PGAM5: variants seen among roughly 807,000 people sequenced by gnomAD.
The protein encoded by PGAM5 is PGAM family member 5, mitochondrial serine/threonine protein phosphatase, also known as serine/threonine-protein phosphatase PGAM5, mitochondrial.
A neutral mutation model predicts 30.6 loss-of-function variants in PGAM5; 25 were observed. That is an observed-to-expected ratio of 0.82 (90% CI 0.60 to 1.14). PGAM5 has a LOEUF of 1.14. Among genes scored for constraint, PGAM5 ranks in the 50% most tolerant of loss-of-function variants. PGAM5 has a pLI of 0.00. For missense variants in PGAM5, 384 were observed against 408.5 expected, an observed-to-expected ratio of 0.94 and a Z score of 0.52; for synonymous variants, 201 against 179.1, an observed-to-expected ratio of 1.12 and a Z score of -0.98.
chr12:132,722,493 C>T lies in PGAM5; in HGVS notation c.*1665C>T, dbSNP rs2043656519. The T allele has an allele frequency of 6.6e-6, 1 of 151,864 alleles. No homozygotes were observed. The highest frequency in any genetic ancestry group is 1.5e-5 in the Non-Finnish European group (1 of 67,988). 9.4% of individuals were successfully genotyped at this position (151,864 alleles called of 1,614,324 possible). On this transcript the variant is annotated 3_prime_UTR_variant, in exon 6 of 6. Coordinates refer to ENST00000498926, the MANE Select transcript of PGAM5 (RefSeq NM_001170543.2). ...TCGAACTCCTGACCTCGTGATCTAC[C>T]CACCTCGGCCTCCCCAAGTGCTGGG...
intron 5 of PGAM5, among the ~76,000 whole-genome samples, chr12:132,720,098 T>TCGATCCCAGTCATCGATTCAC (rs2043627589): frequency 6.7e-6 from 1 of 148,804 alleles, no homozygotes; most frequent in African/African-American, 2.5e-5. Context: ...GCTCCATTCA[T>TCGATCCCAGTCATCGATTCAC]GTCGATCCCA....
At chr12:132,716,524 C>T (rs903338443) in intron 2 of PGAM5, among the ~76,000 whole-genome samples, 7 of 152,130 alleles carry the variant, frequency 4.6e-5, no homozygotes, top group African/African-American at 4.8e-5. Flanking sequence ...CCACCGCGCC[C>T]GGCCTGGCCT....
intron 1 of PGAM5, among the ~76,000 whole-genome samples, chr12:132,712,322 T>C (rs1359966431): frequency 6.6e-6 from 1 of 152,226 alleles, no homozygotes; most frequent in Non-Finnish European, 1.5e-5. Context: ...GCTGTGACAA[T>C]TTCTCAGACT....
At chr12:132,717,246 G>C (rs112137347) in intron 2 of PGAM5, among the ~76,000 whole-genome samples, 193 bp from the exon 3 acceptor site, 1,661 of 152,232 alleles carry the variant, frequency 0.011, 27 homozygotes, top group South Asian at 0.091. Flanking sequence ...CGGGCGGGCA[G>C]GAGCCATCGG....
chr12:132,717,059 A>G (rs1038622252), intron 2 of PGAM5, among the ~76,000 whole-genome samples: 1 of 152,216 alleles, frequency 6.6e-6, no homozygotes, highest in African/African-American at 2.4e-5. Context: ...TGTGAGGCTC[A>G]GGTTTTGGAC....
intron 5 of PGAM5, among the ~76,000 whole-genome samples, chr12:132,718,359 G>A (rs2043604653): frequency 7.3e-6 from 1 of 137,256 alleles, no homozygotes; most frequent in African/African-American, 2.9e-5. Flanking sequence ...GGACCCCTGT[G>A]GTGTCCTGGG....
At chr12:132,711,521 C>T (rs1365566735) in intron 1 of PGAM5, 1 of 152,358 alleles carries the variant, frequency 6.6e-6, no homozygotes, top group Non-Finnish European at 1.5e-5. Context: ...GGTGCGGTAG[C>T]TCAGGCCTGT....
At chr12:132,715,703 A>G (rs2043569753) in intron 2 of PGAM5, among the ~76,000 whole-genome samples, 1 of 152,116 alleles carries the variant, frequency 6.6e-6, no homozygotes, top group African/African-American at 2.4e-5. Flanking sequence ...ACAGGGCGAA[A>G]CCTCGTCACT....
At chr12:132,716,971 T>C (rs1214679533) in intron 2 of PGAM5, among the ~76,000 whole-genome samples, 1 of 152,192 alleles carries the variant, frequency 6.6e-6, no homozygotes, top group South Asian at 2.1e-4. Flanking sequence ...TCTGCACTGG[T>C]GTCCGGCCCC....
chr12:132,721,002 G>A lies in PGAM5; in HGVS notation c.*174G>A, dbSNP rs2136089262. ...ATCAGACAGCCTGACTTCTCTGCAGGGTTTTATACCTGACCATGAACCCCC... is the reference window on the plus strand; with the variant it reads ...ATCAGACAGCCTGACTTCTCTGCAGAGTTTTATACCTGACCATGAACCCCC... On this transcript the variant is annotated 3_prime_UTR_variant, in exon 6 of 6. Coordinates refer to ENST00000498926, the MANE Select transcript of PGAM5 (RefSeq NM_001170543.2). The A allele has an allele frequency of 2.5e-6, 2 of 794,570 alleles. No homozygotes were observed. The highest frequency in any genetic ancestry group is 3.8e-6 in the Non-Finnish European group (2 of 520,280). The allele number at this position is 794,570 out of a possible 1,614,324, so 49.2% of individuals were successfully genotyped here.
At position 132,711,786 on chromosome 12, in the gene PGAM5, AG is replaced by A. The variant is rs536452133; in HGVS notation, c.191+721del. 1.8e-3 allele frequency: 268 copies of A among 150,700 alleles called. 2 individuals carry two copies. Among genetic ancestry groups the A allele is most frequent in the African/African-American group, 6.4e-3 (258 of 40,096 alleles). 9.3% of individuals were successfully genotyped at this position (150,700 alleles called of 1,614,324 possible). A position where few individuals can be genotyped will look rare whatever the true frequency, so the allele number is the denominator to read the frequency against. ...GCCTGAGCAACAGAGCCTGTCTCAA[AG>A]GAAAAAAAAAAAAAGTAGTGCAGGT... is the stretch of plus-strand genomic sequence containing the variant. On this transcript the variant is annotated intron_variant, in intron 1 of 5. Transcript: ENST00000498926.
At chr12:132,715,277 T>C (rs984807135) in intron 2 of PGAM5, among the ~76,000 whole-genome samples, 7 of 152,324 alleles carry the variant, frequency 4.6e-5, no homozygotes, top group African/African-American at 1.7e-4. Flanking sequence ...CTTTTCAAAA[T>C]GTCCTTACCT....
At chr12:132,714,796 G>T in intron 1 of PGAM5, 62 bp from the exon 2 acceptor site, 1 of 1,561,216 alleles carries the variant, frequency 6.4e-7, no homozygotes. Flanking sequence ...ATAACATCTT[G>T]TCAGAAAAAC....
chr12:132,719,175 C>A lies in PGAM5; in HGVS notation c.719+1055C>A, dbSNP rs142286637. On this transcript the variant is annotated intron_variant, in intron 5 of 5. Transcript: ENST00000498926. ...ATGCAAATTTGAAACAAATTTGCCTCTTCTCTGGATCCATTAGGAAATGTG... is the reference window on the plus strand; with the variant it reads ...ATGCAAATTTGAAACAAATTTGCCTATTCTCTGGATCCATTAGGAAATGTG... 78 of 1,220,606 alleles carry A rather than the reference C, an allele frequency of 6.4e-5. 1 individual carries two copies. In the African/African-American group the frequency reaches 1.0e-3, roughly 16 times the overall value. The allele number at this position is 1,220,606 out of a possible 1,614,324, so 75.6% of individuals were successfully genotyped here. A position where few individuals can be genotyped will look rare whatever the true frequency, so the allele number is the denominator to read the frequency against.
In PGAM5 at chr12:132,714,632, G is replaced by A. The variant is rs149395934; in HGVS notation, c.192-226G>A. Reference sequence around the variant, plus strand: ...GAAGAAGATGCACAGGGCTTTGCTTGTCTGTTTTGCTCTCCAGCGCATCAC... The same window carrying A: ...GAAGAAGATGCACAGGGCTTTGCTTATCTGTTTTGCTCTCCAGCGCATCAC... On this transcript the variant is annotated intron_variant, in intron 1 of 5. Transcript: ENST00000498926. 5.3e-4 allele frequency: 272 copies of A among 515,844 alleles called. 1 individual carries two copies. In the East Asian group the frequency reaches 8.2e-3, roughly 16 times the overall value. 32.0% of individuals were successfully genotyped at this position (515,844 alleles called of 1,614,324 possible).
chr12:132,717,990 T>C lies in PGAM5; in HGVS notation c.589T>C (p.Tyr197His), dbSNP rs1051697003. Residue 197 changes from tyrosine to histidine, a missense_variant, in exon 5 of 6, where the codon TAT becomes CAT. By Grantham distance (83) the Tyr-to-His change is moderately conservative. Transcript: ENST00000498926. The stretch of plus-strand genomic sequence containing the variant: ...CGGCTCCTCACTCTGCCCCCAGCAG[T>C]ATTACGAAGACGGAGCCCGGATCGA... ...VSHWKPEAVQ[Y>H]YEDGARIEAA... The C allele has an allele frequency of 1.2e-6, 2 of 1,612,538 alleles. No individual in the cohort carries two copies. The highest frequency in any genetic ancestry group is 1.7e-6 in the Non-Finnish European group (2 of 1,179,908).
At chr12:132,716,415 G>C (rs1298855329) in intron 2 of PGAM5, among the ~76,000 whole-genome samples, 2 of 150,130 alleles carry the variant, frequency 1.3e-5, no homozygotes, top group Non-Finnish European at 3.0e-5. Context: ...ATTTTTAGTA[G>C]AGATGGGGTT....
rs1186316088 is a variant in PGAM5, at chr12:132,720,883, C to T, written c.*55C>T. ...CCCTGCACAGGCCGCACACACTTAA[C>T]GTTTTGTTCCCAAGGAGACCGGCGG... is the stretch of plus-strand genomic sequence containing the variant. On this transcript the variant is annotated 3_prime_UTR_variant, in exon 6 of 6. Coordinates refer to ENST00000498926, the MANE Select transcript of PGAM5 (RefSeq NM_001170543.2). 4 of 1,493,248 alleles carry T rather than the reference C, an allele frequency of 2.7e-6. No individual in the cohort carries two copies. Among genetic ancestry groups the T allele is most frequent in the Admixed American group, 2.2e-5 (1 of 46,010 alleles). The allele number at this position is 1,493,248 out of a possible 1,614,324, so 92.5% of individuals were successfully genotyped here.
At chr12:132,714,237 C>T (rs1022469557) in intron 1 of PGAM5, among the ~76,000 whole-genome samples, 9 of 152,104 alleles carry the variant, frequency 5.9e-5, no homozygotes, top group Admixed American at 2.0e-4. Context: ...AGGCTAGTGT[C>T]GAACTCTTGA....
Sources: allele counts gnomAD v4.1 joint callset (sites outside exome capture counted in the v4.1 genomes callset), GRCh38; gene constraint gnomAD v4.1.1; transcripts MANE v1.5; gene names NCBI Gene and HGNC (gene_info 2026-07-23, HGNC 2026-07-21).